Variants in EML1 observed in about 807,000 individuals in gnomAD.
EML1 encodes the protein echinoderm microtubule-associated protein-like 1.
In EML1, 27 loss-of-function variants were observed where a neutral mutation model predicts 110.4. That is an observed-to-expected ratio of 0.24 (90% CI 0.18 to 0.34). The LOEUF (loss-of-function observed/expected upper bound fraction) is 0.34. EML1 is among the 10% of genes least tolerant of loss of function. The pLI, the probability that EML1 is intolerant of heterozygous loss-of-function variation, is 1.00. For synonymous variants in EML1, 344 were observed against 385.8 expected, an observed-to-expected ratio of 0.89 and a Z score of 1.27; for missense variants, 741 against 1,030.9, an observed-to-expected ratio of 0.72 and a Z score of 3.85.
chr14:99,782,127 C>G (rs2057546534), intron 1 of EML1, among the ~76,000 whole-genome samples: 1 of 152,176 alleles, frequency 6.6e-6, no homozygotes, highest in Non-Finnish European at 1.5e-5. Context: ...TAGAATCTGC[C>G]CTTTCCCCTC....
intron 8 of EML1, among the ~76,000 whole-genome samples, chr14:99,899,058 G>C (rs534199396): frequency 6.6e-6 from 1 of 152,256 alleles, no homozygotes; most frequent in African/African-American, 2.4e-5. Flanking sequence ...AAAGCTACTA[G>C]GAGGTTTTTA....
At chr14:99,870,820 A>G (rs1048343634) in intron 3 of EML1, among the ~76,000 whole-genome samples, 2 of 152,206 alleles carry the variant, frequency 1.3e-5, no homozygotes, top group Non-Finnish European at 2.9e-5. Flanking sequence ...AAATATTACC[A>G]TTCATTTACA....
intron 1 of EML1, among the ~76,000 whole-genome samples, chr14:99,739,972 G>A (rs1647386870): frequency 6.6e-6 from 1 of 152,188 alleles, no homozygotes; most frequent in Non-Finnish European, 1.5e-5. Context: ...CCATCCATTA[G>A]GTGGGGACAA....
chr14:99,746,746 G>T (rs1033839863), intron 1 of EML1, among the ~76,000 whole-genome samples: 1 of 152,100 alleles, frequency 6.6e-6, no homozygotes, highest in Non-Finnish European at 1.5e-5. Context: ...TTCTGCTGCT[G>T]GTGGATGCTT....
At chr14:99,853,143 C>T (rs978757757) in intron 2 of EML1, among the ~76,000 whole-genome samples, 1 of 152,104 alleles carries the variant, frequency 6.6e-6, no homozygotes, top group African/African-American at 2.4e-5. Context: ...CATAACTGCA[C>T]AGAAAAATAA....
upstream of EML1, chr14:99,793,322 C>A: frequency 5.1e-6 from 5 of 980,922 alleles, no homozygotes; most frequent in South Asian, 2.3e-4. Flanking sequence ...GCGGCGGCGG[C>A]GGGCCCGGGG....
intron 2 of EML1, among the ~76,000 whole-genome samples, chr14:99,856,580 T>C (rs901926311): frequency 2.0e-5 from 3 of 152,204 alleles, no homozygotes; most frequent in South Asian, 2.1e-4. Flanking sequence ...TCCTTACAAA[T>C]TGGCAAATTA....
At chr14:99,738,808 A>G (rs968367269) in intron 1 of EML1, among the ~76,000 whole-genome samples, 1 of 152,170 alleles carries the variant, frequency 6.6e-6, no homozygotes, top group Admixed American at 6.5e-5. Flanking sequence ...GCAGATGGGC[A>G]TCCCAGGCAG....
At chr14:99,861,624 G>A (rs1182362443) in intron 2 of EML1, among the ~76,000 whole-genome samples, 4 of 152,090 alleles carry the variant, frequency 2.6e-5, no homozygotes, top group Non-Finnish European at 5.9e-5. Flanking sequence ...TGGGATGACA[G>A]GCGCATGTCA....
At chr14:99,837,758 A>G (rs1216799723) in intron 1 of EML1, among the ~76,000 whole-genome samples, 1 of 152,098 alleles carries the variant, frequency 6.6e-6, no homozygotes, top group Non-Finnish European at 1.5e-5. Flanking sequence ...CTTTGGCCCC[A>G]TTGGTGATTT....
intron 1 of EML1, among the ~76,000 whole-genome samples, chr14:99,843,757 A>G (rs1383016070): frequency 6.6e-6 from 1 of 152,168 alleles, no homozygotes; most frequent in Non-Finnish European, 1.5e-5. Flanking sequence ...ACCTTAGTAG[A>G]ACTCTCCCTG....
intron 1 of EML1, among the ~76,000 whole-genome samples, chr14:99,745,267 T>C (rs1175561689): frequency 2.0e-5 from 3 of 152,206 alleles, no homozygotes; most frequent in Admixed American, 6.5e-5. Context: ...GGTTTCACCA[T>C]GTTGCCCAGT....
intron 1 of EML1, among the ~76,000 whole-genome samples, chr14:99,831,587 G>A (rs2058454375): frequency 6.6e-6 from 1 of 152,104 alleles, no homozygotes; most frequent in African/African-American, 2.4e-5. Flanking sequence ...GAAATATGTG[G>A]TATACTGGCC....
chr14:99,804,995 G>A (rs529034203), intron 1 of EML1, among the ~76,000 whole-genome samples: 1 of 152,254 alleles, frequency 6.6e-6, no homozygotes, highest in East Asian at 1.9e-4. Context: ...GTTGTGTACA[G>A]GATTCCACAT....
rs1187615319 is a variant in EML1 at position 99,781,583 on chromosome 14, T to G, written c.-27+7570T>G. Among the ~76,000 whole-genome samples, 1 of 152,212 alleles carries G rather than the reference T, an allele frequency of 6.6e-6. No homozygotes were observed. The highest frequency in any genetic ancestry group is 1.5e-5 in the Non-Finnish European group (1 of 68,044). On this transcript the variant is annotated intron_variant, in intron 1 of 22. Coordinates refer to the EML1 transcript ENST00000327921. This position sits in a 1 kb window ranked among gnomAD's most constrained non-coding sequence, Gnocchi z 4.2. ...CCCACTAGTTTGTCTTCATGCTTCGTGTCCCCTGGCCCAGGTATGTGCACT... is the reference window on the plus strand; with the variant it reads ...CCCACTAGTTTGTCTTCATGCTTCGGGTCCCCTGGCCCAGGTATGTGCACT...
chr14:99,925,990 G>A (rs1255195654), intron 17 of EML1, among the ~76,000 whole-genome samples: 1 of 152,198 alleles, frequency 6.6e-6, no homozygotes, highest in African/African-American at 2.4e-5. Context: ...GTGGTCCTCA[G>A]AGCCTGTTCT....
At chr14:99,837,470 C>A (rs1352701608) in intron 1 of EML1, among the ~76,000 whole-genome samples, 1 of 152,160 alleles carries the variant, frequency 6.6e-6, no homozygotes, top group Non-Finnish European at 1.5e-5. Context: ...AAGTTGATGG[C>A]ACTTTTTAAA....
chr14:99,742,843 C>T (rs748741585), intron 1 of EML1, among the ~76,000 whole-genome samples: 9 of 152,222 alleles, frequency 5.9e-5, no homozygotes, highest in Non-Finnish European at 8.8e-5. Context: ...GGGTATTGGA[C>T]GGGATGACTC....
chr14:99,844,411 G>A (rs940944620), intron 1 of EML1, among the ~76,000 whole-genome samples: 3 of 151,638 alleles, frequency 2.0e-5, no homozygotes, highest in Non-Finnish European at 4.4e-5. Flanking sequence ...TCTGGGAGGT[G>A]GAGGTTGCAG....
Sources: allele counts gnomAD v4.1 joint callset (sites outside exome capture counted in the v4.1 genomes callset), GRCh38; gene constraint gnomAD v4.1.1; non-coding constraint Gnocchi (gnomAD v3.1); transcripts MANE v1.5; gene names NCBI Gene and HGNC (gene_info 2026-07-23, HGNC 2026-07-21).